Variants in CAMK1D observed in about 807,000 individuals in gnomAD.
The protein encoded by CAMK1D is calcium/calmodulin dependent protein kinase ID.
Under a neutral mutation model 47.7 loss-of-function variants are expected in CAMK1D, and 9 were observed. The ratio of observed to expected loss-of-function variants is 0.19; its 90% CI spans 0.11 to 0.33. The LOEUF (loss-of-function observed/expected upper bound fraction) is 0.33. Among genes scored for constraint, CAMK1D ranks in the 10% least tolerant of loss-of-function variants. The pLI is 1.00. For synonymous variants in CAMK1D, 184 were observed against 184.9 expected (o/e 0.99, Z 0.04); for missense variants, 291 against 488.7 (o/e 0.60, Z 3.81).
intron 2 of CAMK1D, among the ~76,000 whole-genome samples, chr10:12,635,325 C>T (rs948282700): frequency 6.6e-6 from 1 of 152,216 alleles, no homozygotes; most frequent in Non-Finnish European, 1.5e-5. Context: ...GAGAAAGTCA[C>T]TGCCCTTTTA....
At chr10:12,809,994 A>T (rs912263190) in intron 6 of CAMK1D, among the ~76,000 whole-genome samples, 3 of 151,816 alleles carry the variant, frequency 2.0e-5, no homozygotes, top group Admixed American at 2.0e-4. Flanking sequence ...CAAAAATAAA[A>T]AAAAATAGCT....
At chr10:12,528,249 A>T (rs900818712) in intron 1 of CAMK1D, among the ~76,000 whole-genome samples, 1 of 152,258 alleles carries the variant, frequency 6.6e-6, no homozygotes, top group Non-Finnish European at 1.5e-5. Context: ...CAATAAGAAG[A>T]AGCATGTTAA....
At chr10:12,565,348 C>G (rs1335326712) in intron 2 of CAMK1D, among the ~76,000 whole-genome samples, 1 of 152,150 alleles carries the variant, frequency 6.6e-6, no homozygotes, top group African/African-American at 2.4e-5. Flanking sequence ...CTCCCAGGTT[C>G]AAGCAATTGA....
At chr10:12,530,208 C>A (rs913509254) in intron 1 of CAMK1D, among the ~76,000 whole-genome samples, 2 of 152,182 alleles carry the variant, frequency 1.3e-5, no homozygotes, top group African/African-American at 4.8e-5. Context: ...CCGTTGAACC[C>A]GGAGGCTGTT....
chr10:12,410,071 T>C (rs183067347), intron 1 of CAMK1D, among the ~76,000 whole-genome samples: 11 of 152,384 alleles, frequency 7.2e-5, no homozygotes, highest in Non-Finnish European at 1.3e-4. Context: ...TTCCATTGTA[T>C]GGATATCACA....
At chr10:12,595,788 C>T (rs1285252236) in intron 2 of CAMK1D, among the ~76,000 whole-genome samples, 3 of 152,132 alleles carry the variant, frequency 2.0e-5, no homozygotes, top group African/African-American at 7.2e-5. Flanking sequence ...AAAGAGACCA[C>T]AGAAGAAAGG....
intron 1 of CAMK1D, among the ~76,000 whole-genome samples, chr10:12,402,856 A>T (rs1339621761): frequency 6.6e-6 from 1 of 151,974 alleles, no homozygotes; most frequent in African/African-American, 2.4e-5. Flanking sequence ...CTGAGGATAT[A>T]CACAGGACCA....
At position 12,554,269 on chromosome 10, in the gene CAMK1D, C is replaced by T. The variant is rs1353780728; in HGVS notation, c.224+913C>T. On this transcript the variant is annotated intron_variant, in intron 2 of 10. Transcript: ENST00000619168. ...ACCTCCTGGCTTCAAGCGATTCTCCCGCCTCAGCCTCCCGAAGCTGGGATT... is the reference window on the plus strand; with the variant it reads ...ACCTCCTGGCTTCAAGCGATTCTCCTGCCTCAGCCTCCCGAAGCTGGGATT... Among the ~76,000 whole-genome samples the T allele has an allele frequency of 3.8e-5, 5 of 131,392 alleles. 2 individuals carry two copies. The highest frequency in any genetic ancestry group is 8.9e-5 in the Non-Finnish European group (5 of 55,962). 86.2% of individuals were successfully genotyped at this position (131,392 alleles called of 152,430 possible).
intron 6 of CAMK1D, among the ~76,000 whole-genome samples, chr10:12,808,762 G>C (rs1832475477): frequency 1.3e-5 from 2 of 152,110 alleles, no homozygotes; most frequent in Middle Eastern, 3.4e-3. Flanking sequence ...TGGGCAACAA[G>C]AGCGAAACTC....
At chr10:12,688,517 TC>T (rs1158910515) in intron 3 of CAMK1D, among the ~76,000 whole-genome samples, 1 of 152,194 alleles carries the variant, frequency 6.6e-6, no homozygotes, top group Non-Finnish European at 1.5e-5. Context: ...AGTTTTTTTT[TC>T]TTGCCATGTT....
chr10:12,402,555 CAG>C (rs747799876), intron 1 of CAMK1D, among the ~76,000 whole-genome samples: 1 of 152,184 alleles, frequency 6.6e-6, no homozygotes, highest in South Asian at 2.1e-4. Context: ...GGAAATTAAA[CAG>C]AAACATGATT....
chr10:12,372,643 G>C lies in CAMK1D; in HGVS notation c.92+22733G>C, dbSNP rs149612245. Reference sequence around the variant, plus strand: ...TTTATTTTATTAATTAATCGAGACAGGGTCTCACTCTGTCATTCAGGCTGG... The same window carrying C: ...TTTATTTTATTAATTAATCGAGACACGGTCTCACTCTGTCATTCAGGCTGG... On this transcript the variant is annotated intron_variant, in intron 1 of 10. Transcript: ENST00000619168. 5.7e-3 allele frequency among the ~76,000 whole-genome samples: 867 copies of C among 152,312 alleles called. 11 individuals are homozygous for C. Among genetic ancestry groups the C allele is most frequent in the African/African-American group, 0.019 (798 of 41,556 alleles).
At chr10:12,724,999 A>G (rs1192472058) in intron 3 of CAMK1D, among the ~76,000 whole-genome samples, 1 of 152,210 alleles carries the variant, frequency 6.6e-6, no homozygotes, top group East Asian at 1.9e-4. Flanking sequence ...TCTTTCAACA[A>G]TCTAAACTTC....
chr10:12,475,291 C>T (rs1358436776), intron 1 of CAMK1D, among the ~76,000 whole-genome samples: 1 of 152,234 alleles, frequency 6.6e-6, no homozygotes, highest in African/African-American at 2.4e-5. Context: ...CATTCCTCCT[C>T]TCCCCAGCAC....
intron 1 of CAMK1D, among the ~76,000 whole-genome samples, chr10:12,401,171 A>AAAGC: frequency 1.9e-5 from 1 of 53,624 alleles, no homozygotes. Flanking sequence ...TAATATATGT[A>AAAGC]TTATATATAT....
chr10:12,543,631 A>G (rs1356765182), intron 1 of CAMK1D, among the ~76,000 whole-genome samples: 1 of 152,172 alleles, frequency 6.6e-6, no homozygotes, highest in Non-Finnish European at 1.5e-5. Flanking sequence ...GAAGGATAAA[A>G]AACCAGTTCA....
intron 2 of CAMK1D, among the ~76,000 whole-genome samples, chr10:12,572,621 A>C (rs1176362578): frequency 6.6e-6 from 1 of 151,870 alleles, no homozygotes. Flanking sequence ...AAGGCAATTT[A>C]CTTTTTTTTT....
At chr10:12,714,234 T>C (rs929188029) in intron 3 of CAMK1D, among the ~76,000 whole-genome samples, 3 of 152,048 alleles carry the variant, frequency 2.0e-5, no homozygotes, top group Non-Finnish European at 4.4e-5. Flanking sequence ...CCCGTAGGCA[T>C]AGACATATTA....
chr10:12,591,842 T>C lies in CAMK1D; in HGVS notation c.224+38486T>C, dbSNP rs148921802. Among the ~76,000 whole-genome samples, 13 of 152,268 alleles carry C rather than the reference T, an allele frequency of 8.5e-5. 1 individual carries two copies. In the East Asian group the frequency reaches 2.5e-3, roughly 29 times the overall value. ...CCAAGTAGCTGGGAATACAGGCACA[T>C]GCCACCACGCCCAGCTAATTTTTTG... On this transcript the variant is annotated intron_variant, in intron 2 of 10. Transcript: ENST00000619168.
Sources: gnomAD v4.1 joint callset for allele counts (sites outside exome capture counted in the v4.1 genomes callset) on GRCh38, gnomAD v4.1.1 for gene constraint, MANE v1.5 for transcripts, NCBI Gene and HGNC (gene_info 2026-07-23, HGNC 2026-07-21) for gene names.